Variants in RALY observed in about 807,000 individuals in gnomAD.
RALY encodes the protein RNA-binding protein Raly.
In RALY, 15 loss-of-function variants were observed where a neutral mutation model predicts 30.7. The ratio of observed to expected loss-of-function variants is 0.49; its 90% CI spans 0.33 to 0.75. The LOEUF (loss-of-function observed/expected upper bound fraction) is 0.75, where lower values mean the gene tolerates loss of function less well. RALY is among the 30% of genes least tolerant of loss of function. RALY has a pLI of 0.02. For synonymous variants in RALY, 177 were observed against 170.8 expected (o/e 1.04, Z -0.28); for missense variants, 339 against 414.3 (o/e 0.82, Z 1.58).
intron 2 of RALY, among the ~76,000 whole-genome samples, chr20:34,055,259 TAGCAA>T (rs1333162857): frequency 6.6e-6 from 1 of 152,212 alleles, no homozygotes; most frequent in Admixed American, 6.5e-5. Context: ...TTTAAATACT[TAGCAA>T]TGTATCTTCC....
At chr20:34,070,640 T>TA (rs2033700777) in intron 2 of RALY, among the ~76,000 whole-genome samples, 1 of 152,194 alleles carries the variant, frequency 6.6e-6, no homozygotes, top group Non-Finnish European at 1.5e-5. Flanking sequence ...TTGAAAGAAA[T>TA]AGACTTTAGT....
intron 2 of RALY, chr20:34,049,055 G>A (rs2032988852): frequency 6.6e-6 from 1 of 152,410 alleles, no homozygotes; most frequent in South Asian, 2.1e-4. Flanking sequence ...GAGATGGATA[G>A]GAATTAGCTC....
intron 1 of RALY, among the ~76,000 whole-genome samples, chr20:34,001,836 C>T (rs914575914): frequency 4.6e-5 from 7 of 151,992 alleles, no homozygotes; most frequent in African/African-American, 1.5e-4. Flanking sequence ...GCATGATCTC[C>T]GCTCACTGCA....
Position 34,077,217 on chromosome 20 carries a change from G to T in RALY, c.848G>T (p.Gly283Val). 1.9e-6 allele frequency: 3 copies of T among 1,613,832 alleles called. No homozygotes were observed. Among genetic ancestry groups the T allele is most frequent in the African/African-American group, 1.3e-5 (1 of 75,032 alleles). The change falls in exon 8 of 10, where the codon GGG becomes GTG. Residue 283 changes from glycine to valine, a missense_variant. Gly to Val is a moderately radical substitution (Grantham distance 109). This residue lies in a region of RALY where 268 missense variants were observed against 280.6 expected (regional missense o/e 0.95). Coordinates refer to ENST00000246194, the MANE Select transcript of RALY (RefSeq NM_016732.3). Reference sequence around the variant, plus strand: ...ACCCGAGACGACGGCGATGAGGAAGGGCTCCTGACACACAGCGAGGAAGAG... The same window carrying T: ...ACCCGAGACGACGGCGATGAGGAAGTGCTCCTGACACACAGCGAGGAAGAG... Reference protein sequence around the residue: ...ARTRDDGDEEGLLTHSEEELE... With the variant: ...ARTRDDGDEEVLLTHSEEELE...
At chr20:34,015,379 AC>A (rs1377649970) in intron 1 of RALY, among the ~76,000 whole-genome samples, 6 of 152,082 alleles carry the variant, frequency 3.9e-5, no homozygotes, top group East Asian at 1.9e-4. Context: ...TCATAAAAAA[AC>A]AAAAAAGCAA....
intron 3 of RALY, among the ~76,000 whole-genome samples, chr20:34,073,318 T>A (rs1038931939): frequency 1.3e-5 from 2 of 151,968 alleles, no homozygotes; most frequent in African/African-American, 4.8e-5. Flanking sequence ...GAGGACATGT[T>A]TATGAGCATG....
In RALY at chr20:34,061,836, G is replaced by C. The variant is rs2033426451; in HGVS notation, c.-9-10230G>C. 2.6e-5 allele frequency among the ~76,000 whole-genome samples: 4 copies of C among 152,288 alleles called. No individual in the cohort carries two copies. The South Asian group carries it at 8.3e-4, about 32-fold the overall frequency. On this transcript the variant is annotated intron_variant, in intron 2 of 9. Transcript: ENST00000246194. ...AAGCAAGTAGGTAGAATTTGAATGG[G>C]AGTTATGTGGCATGTTCTGTGTAAG... is the stretch of plus-strand genomic sequence containing the variant.
At chr20:34,053,644 G>T (rs750849659) in intron 2 of RALY, among the ~76,000 whole-genome samples, 6 of 152,164 alleles carry the variant, frequency 3.9e-5, no homozygotes, top group Middle Eastern at 6.8e-3. Flanking sequence ...CAGTCCTCCT[G>T]CTTTGGCCTC....
chr20:34,010,654 C>A (rs1472241028), intron 1 of RALY, among the ~76,000 whole-genome samples: 1 of 152,114 alleles, frequency 6.6e-6, no homozygotes, highest in South Asian at 2.1e-4. Context: ...GACAACTGAT[C>A]CTGATTTTCC....
intron 1 of RALY, among the ~76,000 whole-genome samples, chr20:33,995,443 C>G (rs1390499135): frequency 6.6e-6 from 1 of 152,172 alleles, no homozygotes; most frequent in Non-Finnish European, 1.5e-5. Flanking sequence ...AGTCATCTGC[C>G]TTCAAACAAA....
chr20:34,074,245 C>T (rs1027081327), intron 5 of RALY, among the ~76,000 whole-genome samples: 1 of 152,092 alleles, frequency 6.6e-6, no homozygotes, highest in Non-Finnish European at 1.5e-5. Context: ...CTGGTAGGAG[C>T]CCCAGAGCTC....
At chr20:34,076,321 C>T in intron 6 of RALY, 2 of 522,060 alleles carry the variant, frequency 3.8e-6, no homozygotes, top group Non-Finnish European at 6.9e-6. Flanking sequence ...TCTACCCAGG[C>T]CCATTACTCC....
chr20:34,021,253 G>A (rs540460331), intron 1 of RALY, among the ~76,000 whole-genome samples: 51 of 152,276 alleles, frequency 3.3e-4, no homozygotes, highest in African/African-American at 9.4e-4. Context: ...ATGAGCCACT[G>A]TGCCAGGCTG....
At chr20:33,999,066 G>A (rs933279189) in intron 1 of RALY, among the ~76,000 whole-genome samples, 1 of 150,100 alleles carries the variant, frequency 6.7e-6, no homozygotes, top group African/African-American at 2.5e-5. Flanking sequence ...GGAGGTGGAG[G>A]TTGCAGTGAG....
chr20:34,044,273 A>C (rs2032798966), intron 2 of RALY, among the ~76,000 whole-genome samples: 2 of 151,814 alleles, frequency 1.3e-5, no homozygotes, highest in Admixed American at 6.6e-5. Flanking sequence ...TAATTAGGTG[A>C]TATATATTTG....
chr20:34,027,603 C>A (rs2032092412), intron 1 of RALY, among the ~76,000 whole-genome samples: 1 of 152,228 alleles, frequency 6.6e-6, no homozygotes, highest in Admixed American at 6.5e-5. Flanking sequence ...ACATCATAGT[C>A]CCATCCTGAA....
intron 2 of RALY, among the ~76,000 whole-genome samples, chr20:34,057,615 C>T (rs796373502): frequency 8.4e-5 from 12 of 143,096 alleles, no homozygotes; most frequent in South Asian, 4.4e-4. Context: ...TACAGTGAGC[C>T]GAGATGGCGC....
In RALY at chr20:34,076,051, G is replaced by A. The variant is rs117160451; in HGVS notation, c.544+11G>A. The stretch of plus-strand genomic sequence containing the variant: ...CAGCCAAGATCAAGTGTGAGTGACT[G>A]TATCATATTCCTAAGTAATTTGCAT... On this transcript the variant is annotated intron_variant, in intron 6 of 9. Transcript: ENST00000246194. 0.021 allele frequency: 33,762 copies of A among 1,604,370 alleles called. 625 individuals are homozygous for A. Among genetic ancestry groups the A allele is most frequent in the South Asian group, 0.07 (6,387 of 90,740 alleles).
At chr20:34,060,992 T>C (rs1174745386) in intron 2 of RALY, among the ~76,000 whole-genome samples, 1 of 152,184 alleles carries the variant, frequency 6.6e-6, no homozygotes, top group Non-Finnish European at 1.5e-5. Context: ...CTGGTGTCCA[T>C]TCCTCTCAGC....
Sources: gnomAD v4.1 joint callset for allele counts (sites outside exome capture counted in the v4.1 genomes callset) on GRCh38, gnomAD v4.1.1 for gene constraint, gnomAD v4.1.1 regional missense constraint, MANE v1.5 for transcripts, NCBI Gene and HGNC (gene_info 2026-07-23, HGNC 2026-07-21) for gene names.